Variants in FBLN2 observed in about 807,000 individuals in gnomAD.
FBLN2 encodes fibulin 2, also known as fibulin-2.
Under a neutral mutation model 123.7 loss-of-function variants are expected in FBLN2, and 81 were observed. The observed-to-expected ratio is 0.65, with a 90% CI of 0.55 to 0.79. The LOEUF is 0.79. Ranked by LOEUF, FBLN2 falls within the 30% of genes least tolerant of loss-of-function variation. FBLN2 has a pLI of 0.00. For synonymous variants in FBLN2, 699 were observed against 701.4 expected, an observed-to-expected ratio of 1.00 and a Z score of 0.05; for missense variants, 1,603 against 1,681.3, an observed-to-expected ratio of 0.95 and a Z score of 0.81.
rs965104809 is a variant in FBLN2 at position 13,627,853 on chromosome 3, G to A, written c.2453G>A (p.Gly818Asp). 2.5e-6 allele frequency: 4 copies of A among 1,613,278 alleles called. No individual in the cohort carries two copies. In the Admixed American group the frequency reaches 6.7e-5, roughly 27 times the overall value. Residue 818 changes from glycine (G) to aspartate (D), a missense_variant, in exon 11 of 18, where the codon GGC becomes GAC. By Grantham distance (94) the Gly-to-Asp change is moderately conservative. Transcript: ENST00000404922. ...ECEDVDECAM[G>D]THTCQPGFLC... Reference sequence around the variant, plus strand: ...GCAGACGTGGATGAGTGTGCGATGGGCACGCACACCTGCCAGCCGGGCTTC... The same window carrying A: ...GCAGACGTGGATGAGTGTGCGATGGACACGCACACCTGCCAGCCGGGCTTC...
At chr3:13,583,928 G>A (rs745597286) in intron 2 of FBLN2, among the ~76,000 whole-genome samples, 17 of 152,204 alleles carry the variant, frequency 1.1e-4, no homozygotes, top group Non-Finnish European at 1.8e-4. Context: ...AAGACCCTTA[G>A]GGATGAGGGT....
At chr3:13,617,562 A>G (rs1276353045) in intron 5 of FBLN2, among the ~76,000 whole-genome samples, 2 of 137,062 alleles carry the variant, frequency 1.5e-5, no homozygotes, top group Non-Finnish European at 3.1e-5. Flanking sequence ...CCACCCATCC[A>G]GTTACAACCC....
At chr3:13,584,826 C>G (rs1402410954) in intron 2 of FBLN2, among the ~76,000 whole-genome samples, 2 of 152,230 alleles carry the variant, frequency 1.3e-5, no homozygotes, top group African/African-American at 4.8e-5. Flanking sequence ...AAGCTCATCT[C>G]TGTGTGCTCC....
rs904468343 is a variant in FBLN2, at chr3:13,621,201, C to T, written c.2156-574C>T. On this transcript the variant is annotated intron_variant, in intron 8 of 17. Transcript: ENST00000404922. ...GGCATTCAGAGAGGCACCTGCTCTG[C>T]GGAGGAGCGCTGCTCAACTCTGCTG... Among the ~76,000 whole-genome samples the T allele has an allele frequency of 9.2e-5, 14 of 152,272 alleles. No individual in the cohort carries two copies. The South Asian group carries it at 1.2e-3, about 14-fold the overall frequency.
intron 1 of FBLN2, among the ~76,000 whole-genome samples, chr3:13,567,523 A>G (rs1056026109): frequency 1.3e-5 from 2 of 151,880 alleles, no homozygotes; most frequent in African/African-American, 2.4e-5. Context: ...ATGCCTGGCT[A>G]ATTTTTGTAT....
Position 13,618,266 on chromosome 3 carries a change from T to C in FBLN2, c.1920T>C (p.Asp640=), listed in dbSNP as rs976869131. 7 of 1,613,740 alleles carry C rather than the reference T, an allele frequency of 4.3e-6. No homozygotes were observed. The African/African-American group carries it at 5.3e-5, about 12-fold the overall frequency. The part of the protein sequence containing the change: ...ACFPGFSLQD[D]GRTCRPEGHP... ...TTCCTGGCTTCTCACTGCAGGACGA[T>C]GGCCGCACTTGCCGCCCAGGTAAGG... Residue 640 remains aspartate, a synonymous_variant, in exon 6 of 18, where the codon GAT becomes GAC. Coordinates refer to ENST00000404922, the MANE Select transcript of FBLN2 (RefSeq NM_001004019.2).
At chr3:13,593,414 C>T (rs1333025002) in intron 2 of FBLN2, among the ~76,000 whole-genome samples, 1 of 152,040 alleles carries the variant, frequency 6.6e-6, no homozygotes. Context: ...ACTTTCTTCA[C>T]CTTTAAGGGG....
chr3:13,570,270 G>A (rs914315700), intron 1 of FBLN2, 45 bp from the exon 2 acceptor site: 2 of 1,441,914 alleles, frequency 1.4e-6, no homozygotes, highest in Non-Finnish European at 9.1e-7. Flanking sequence ...CCGTGTCTGT[G>A]TGTGCACACC....
intron 1 of FBLN2, among the ~76,000 whole-genome samples, chr3:13,567,435 C>T (rs1252959660): frequency 6.6e-6 from 1 of 152,188 alleles, no homozygotes; most frequent in East Asian, 1.9e-4. Flanking sequence ...TCGGCTCACT[C>T]CAACCTCCGC....
chr3:13,617,143 AATCCATCCATCC>A (rs779072153), intron 5 of FBLN2, among the ~76,000 whole-genome samples: 23 of 134,536 alleles, frequency 1.7e-4, no homozygotes, highest in Non-Finnish European at 2.8e-4. Context: ...TCCATTCATC[AATCCATCCATCC>A]ATCCATCCAT....
chr3:13,579,129 G>A (rs930421352), intron 2 of FBLN2, among the ~76,000 whole-genome samples: 1 of 152,162 alleles, frequency 6.6e-6, no homozygotes, highest in Non-Finnish European at 1.5e-5. Context: ...AGTGCACAAG[G>A]GTTCCAGTTT....
intron 3 of FBLN2, among the ~76,000 whole-genome samples, chr3:13,608,830 C>T (rs1705293027): frequency 6.6e-6 from 1 of 152,242 alleles, no homozygotes; most frequent in South Asian, 2.1e-4. Flanking sequence ...TCACTGGCAG[C>T]ATGGCTGGGA....
chr3:13,618,141 A>G lies in FBLN2; in HGVS notation c.1795A>G (p.Ser599Gly). 6.2e-7 allele frequency: 1 copy of G among 1,613,646 alleles called. No homozygotes were observed. Among genetic ancestry groups the G allele is most frequent in the Non-Finnish European group, 8.5e-7 (1 of 1,179,906 alleles). Residue 599 changes from serine (S) to glycine (G), a missense_variant, in exon 6 of 18, where the codon AGC (serine) becomes GGC (glycine). Coordinates refer to ENST00000404922, the MANE Select transcript of FBLN2 (RefSeq NM_001004019.2). ...SLGTEAELPN[S>G]LPGDDQDECL... Reference sequence around the variant, plus strand: ...GGGCACAGAGGCCGAGCTGCCGAACAGCCTGCCGGGCGATGACCAGGATGA... The same window carrying G: ...GGGCACAGAGGCCGAGCTGCCGAACGGCCTGCCGGGCGATGACCAGGATGA...
intron 1 of FBLN2, among the ~76,000 whole-genome samples, chr3:13,563,698 C>G (rs917383215): frequency 6.6e-6 from 1 of 152,230 alleles, no homozygotes; most frequent in Admixed American, 6.5e-5. Context: ...TTACTGTGGG[C>G]GTTGGGTTGG....
chr3:13,589,267 G>T (rs1287649900), intron 2 of FBLN2, among the ~76,000 whole-genome samples: 1 of 152,162 alleles, frequency 6.6e-6, no homozygotes, highest in Non-Finnish European at 1.5e-5. Context: ...CACATCACTG[G>T]CTCCCTGGAA....
chr3:13,631,621 G>T (rs1018950235), intron 16 of FBLN2, among the ~76,000 whole-genome samples, 164 bp downstream of exon 16: 1 of 152,220 alleles, frequency 6.6e-6, no homozygotes, highest in African/African-American at 2.4e-5. Flanking sequence ...CTGAGGTTGT[G>T]CCTGGGATGA....
chr3:13,557,789 A>G (rs1017339682), intron 1 of FBLN2, among the ~76,000 whole-genome samples: 53 of 152,376 alleles, frequency 3.5e-4, no homozygotes, highest in Admixed American at 3.0e-3. Flanking sequence ...TGCAGTGATT[A>G]GACCCACTGT....
intron 11 of FBLN2, 81 bp downstream of exon 11, chr3:13,628,050 A>G: frequency 1.3e-6 from 2 of 1,506,496 alleles, no homozygotes; most frequent in South Asian, 1.3e-5. Context: ...GGCTTTAGAG[A>G]CCAGGGAGGC....
intron 1 of FBLN2, among the ~76,000 whole-genome samples, chr3:13,556,422 A>C (rs577279166): frequency 6.6e-6 from 1 of 152,278 alleles, no homozygotes; most frequent in East Asian, 1.9e-4. Flanking sequence ...ACACTAATCC[A>C]CACATGGGGG....
Sources: gnomAD v4.1 joint callset for allele counts (sites outside exome capture counted in the v4.1 genomes callset) on GRCh38, gnomAD v4.1.1 for gene constraint, MANE v1.5 for transcripts, NCBI Gene and HGNC (gene_info 2026-07-23, HGNC 2026-07-21) for gene names.